Variants in GLIS3 observed in about 807,000 individuals in gnomAD.
GLIS3 encodes GLIS family zinc finger 3, also known as zinc finger protein GLIS3.
A neutral mutation model predicts 78.6 loss-of-function variants in GLIS3; 53 were observed. That is an observed-to-expected ratio of 0.67 (90% confidence interval 0.54 to 0.85). The LOEUF is 0.85. Ranked by LOEUF, GLIS3 falls within the 40% of genes least tolerant of loss-of-function variation. GLIS3 has a pLI of 0.00. For synonymous variants in GLIS3, 684 were observed against 509.9 expected, an observed-to-expected ratio of 1.34 and a Z score of -4.60; for missense variants, 1,703 against 1,231.1, an observed-to-expected ratio of 1.38 and a Z score of -5.74.
At chr9:4,075,295 G>A (rs560411528) in intron 4 of GLIS3, among the ~76,000 whole-genome samples, 5 of 152,026 alleles carry the variant, frequency 3.3e-5, no homozygotes, top group East Asian at 1.9e-4. Context: ...CAGGCCGGGC[G>A]CGGTGGCTGA....
At chr9:4,019,390 A>G (rs1822692623) in intron 4 of GLIS3, among the ~76,000 whole-genome samples, 1 of 152,176 alleles carries the variant, frequency 6.6e-6, no homozygotes, top group African/African-American at 2.4e-5. Context: ...ATTATATCAC[A>G]CAGCCTCACT....
chr9:4,078,160 A>G (rs1468207868), intron 4 of GLIS3, among the ~76,000 whole-genome samples: 1 of 152,236 alleles, frequency 6.6e-6, no homozygotes. Flanking sequence ...TTCTGGACCG[A>G]AAGTAAGTTA....
At chr9:4,297,976 G>A (rs1014145960) in intron 1 of GLIS3, among the ~76,000 whole-genome samples, 1 of 152,118 alleles carries the variant, frequency 6.6e-6, no homozygotes, top group East Asian at 1.9e-4. Context: ...AGCGCCCGGC[G>A]GGGTACGCGC....
intron 9 of GLIS3, 190 bp downstream of exon 9, chr9:3,855,819 C>G: frequency 9.1e-6 from 6 of 662,154 alleles, no homozygotes; most frequent in Non-Finnish European, 1.6e-5. Context: ...ATCATACCAT[C>G]ATCAGGCCAA....
intron 4 of GLIS3, among the ~76,000 whole-genome samples, chr9:4,055,028 C>G (rs1826031466): frequency 6.8e-6 from 1 of 146,706 alleles, no homozygotes; most frequent in Non-Finnish European, 1.5e-5. Flanking sequence ...GATTATGGTA[C>G]TTGATTTTTA....
intron 2 of GLIS3, among the ~76,000 whole-genome samples, chr9:4,252,721 G>T (rs1243390751): frequency 6.6e-6 from 1 of 152,132 alleles, no homozygotes; most frequent in African/African-American, 2.4e-5. Flanking sequence ...GCCTTTTTGT[G>T]CTGGATTTCC....
rs17692969 is a variant in GLIS3, at chr9:3,879,646, G to A, written c.2129-51C>T. On this transcript the variant is annotated intron_variant, in intron 7 of 10. Transcript: ENST00000381971. Reference sequence around the variant, plus strand: ...AGACCGTGCCCCAAAGGAAGCCCACGTTTTTTAAATACCGAAGCCTGACAG... The same window carrying A: ...AGACCGTGCCCCAAAGGAAGCCCACATTTTTTAAATACCGAAGCCTGACAG... The A allele has an allele frequency of 0.036, 58,102 of 1,598,792 alleles. 1,218 individuals carry two copies. The highest frequency in any genetic ancestry group is 0.049 in the Middle Eastern group (297 of 6,044).
chr9:3,917,454 C>A (rs1004908671), intron 6 of GLIS3, among the ~76,000 whole-genome samples: 6 of 152,226 alleles, frequency 3.9e-5, no homozygotes, highest in Non-Finnish European at 8.8e-5. Flanking sequence ...TTAGAATATA[C>A]TGCCTACATT....
At chr9:4,374,580 T>C in the GLIS3 span, among the ~76,000 whole-genome samples, 5 of 152,236 alleles carry the variant, frequency 3.3e-5, no homozygotes, top group Admixed American at 6.5e-5. Context: ...ATCCCTTTCT[T>C]GGGGAACTAT....
chr9:4,343,717 G>T (rs776343432), intron 2 of GLIS3, among the ~76,000 whole-genome samples: 1 of 152,166 alleles, frequency 6.6e-6, no homozygotes, highest in African/African-American at 2.4e-5. Flanking sequence ...TACACACCAC[G>T]GAATACTATG....
chr9:3,860,207 G>A (rs539094506), intron 8 of GLIS3, among the ~76,000 whole-genome samples: 2 of 145,188 alleles, frequency 1.4e-5, no homozygotes, highest in East Asian at 2.1e-4. Context: ...TCCGGGAGGC[G>A]GAGCTTGCAA....
chr9:4,476,967 ATGTAAGATGGTACACC>A, the GLIS3 span, among the ~76,000 whole-genome samples: 1 of 152,270 alleles, frequency 6.6e-6, no homozygotes, highest in South Asian at 2.1e-4. Context: ...TGCTGGTGGG[ATGTAAGATGGTACACC>A]TGCTATGGAA....
chr9:4,266,044 G>A (rs1379859376), intron 2 of GLIS3, among the ~76,000 whole-genome samples: 3 of 151,678 alleles, frequency 2.0e-5, no homozygotes, highest in South Asian at 2.1e-4. Flanking sequence ...TCAGCCTCCC[G>A]AGTAGCTGGG....
rs1818868908 is a variant in GLIS3, at chr9:3,977,100, C to T, written c.1711-39911G>A. ...AGTTTGTTCAGCAGGCTCTGAACTG[C>T]ATACTGCTAGTTGATGACCAGTTTT... On this transcript the variant is annotated intron_variant, in intron 4 of 10. Transcript: ENST00000381971. This position sits in a 1 kb window ranked among gnomAD's most constrained non-coding sequence, Gnocchi z 4.1. Among the ~76,000 whole-genome samples, 1 of 152,094 alleles carries T rather than the reference C, an allele frequency of 6.6e-6. No individual in the cohort carries two copies. The highest frequency in any genetic ancestry group is 1.5e-5 in the Non-Finnish European group (1 of 68,018).
chr9:4,086,387 T>C (rs907479781), intron 4 of GLIS3, among the ~76,000 whole-genome samples: 2 of 152,230 alleles, frequency 1.3e-5, no homozygotes, highest in Non-Finnish European at 2.9e-5. Context: ...GAATATGTCA[T>C]ATTCCAAGCC....
At chr9:4,171,921 G>A (rs560309815) in intron 2 of GLIS3, among the ~76,000 whole-genome samples, 1 of 152,272 alleles carries the variant, frequency 6.6e-6, no homozygotes, top group South Asian at 2.1e-4. Context: ...AGCAAAGGTC[G>A]AAAAGTGGCA....
At chr9:4,029,003 G>C (rs1211897208) in intron 4 of GLIS3, among the ~76,000 whole-genome samples, 2 of 152,034 alleles carry the variant, frequency 1.3e-5, no homozygotes, top group Non-Finnish European at 2.9e-5. Flanking sequence ...TTGAGAAGTA[G>C]ACATACTACT....
intron 2 of GLIS3, among the ~76,000 whole-genome samples, chr9:4,156,113 C>T (rs1477090999): frequency 6.6e-6 from 1 of 152,152 alleles, no homozygotes; most frequent in Non-Finnish European, 1.5e-5. Context: ...AAAATCACCT[C>T]TTGTGTGGCC....
At chr9:3,873,686 TCAAAGA>T (rs989637551) in intron 8 of GLIS3, among the ~76,000 whole-genome samples, 129 of 147,894 alleles carry the variant, frequency 8.7e-4, no homozygotes, top group African/African-American at 3.2e-3. Context: ...GAAAATAAAG[TCAAAGA>T]AAAAGTCAAA....
Sources: allele counts gnomAD v4.1 joint callset (sites outside exome capture counted in the v4.1 genomes callset), GRCh38; gene constraint gnomAD v4.1.1; non-coding constraint Gnocchi (gnomAD v3.1); transcripts MANE v1.5; gene names NCBI Gene and HGNC (gene_info 2026-07-23, HGNC 2026-07-21).